Variants in GRID1 observed in about 807,000 individuals in gnomAD.
GRID1 encodes glutamate ionotropic receptor delta type subunit 1, also known as glutamate receptor ionotropic, delta-1.
Under a neutral mutation model 98.0 loss-of-function variants are expected in GRID1, and 28 were observed. The ratio of observed to expected loss-of-function variants is 0.29; its 90% confidence interval spans 0.21 to 0.39. The LOEUF is 0.39. Ranked by LOEUF, GRID1 falls within the 10% of genes least tolerant of loss-of-function variation. The pLI is 1.00. For synonymous variants in GRID1, 553 were observed against 538.5 expected, an observed-to-expected ratio of 1.03 and a Z score of -0.37; for missense variants, 1,111 against 1,340.5, an observed-to-expected ratio of 0.83 and a Z score of 2.67.
At chr10:86,090,943 G>A (rs537595134) in intron 4 of GRID1, among the ~76,000 whole-genome samples, 8 of 152,258 alleles carry the variant, frequency 5.3e-5, no homozygotes, top group South Asian at 4.2e-4. Flanking sequence ...TTAGAGGACC[G>A]AGTGAAATAC....
intron 4 of GRID1, among the ~76,000 whole-genome samples, chr10:86,096,069 CTAT>C (rs1185179791): frequency 6.6e-6 from 1 of 152,112 alleles, no homozygotes; most frequent in African/African-American, 2.4e-5. Context: ...AGACTGGAGA[CTAT>C]TATTCTAAGT....
intron 13 of GRID1, among the ~76,000 whole-genome samples, chr10:85,638,340 T>C (rs1843074568): frequency 6.6e-6 from 1 of 152,206 alleles, no homozygotes; most frequent in Non-Finnish European, 1.5e-5. Flanking sequence ...TTGAAGAAAT[T>C]GACAAAATGA....
intron 12 of GRID1, among the ~76,000 whole-genome samples, chr10:85,708,120 A>T (rs893929175): frequency 7.6e-6 from 1 of 130,858 alleles, no homozygotes; most frequent in Non-Finnish European, 1.6e-5. Context: ...TAATAAAAAA[A>T]AAAAAAAAAA....
chr10:86,010,585 G>A (rs757779772), intron 4 of GRID1, among the ~76,000 whole-genome samples: 2 of 152,092 alleles, frequency 1.3e-5, no homozygotes. Flanking sequence ...TTGGGAGGCC[G>A]AGGAGAATGG....
chr10:85,628,518 A>G (rs1842937046), intron 13 of GRID1, among the ~76,000 whole-genome samples: 1 of 152,144 alleles, frequency 6.6e-6, no homozygotes, highest in Admixed American at 6.5e-5. Flanking sequence ...GAAAAAGTGG[A>G]CCTTCAGCTG....
At position 85,703,073 on chromosome 10, in the gene GRID1, G is replaced by A. The variant is rs887316524; in HGVS notation, c.1997+19930C>T. ...GTAAAAGAGGAGAGGAAAATCAATA[G>A]GTGAAAGTTTCTCCATTGTATGACA... On this transcript the variant is annotated intron_variant, in intron 12 of 15. Coordinates refer to ENST00000327946, the MANE Select transcript of GRID1 (RefSeq NM_017551.3). 2.0e-5 allele frequency among the ~76,000 whole-genome samples: 3 copies of A among 152,118 alleles called. No individual in the cohort carries two copies. The South Asian group carries it at 6.2e-4, about 32-fold the overall frequency.
chr10:85,815,847 AT>A (rs1430570530), intron 8 of GRID1, among the ~76,000 whole-genome samples: 1 of 152,052 alleles, frequency 6.6e-6, no homozygotes. Context: ...TTAAGAATAC[AT>A]CTATAGAAAA....
chr10:85,959,711 T>G (rs1842241113), intron 4 of GRID1, among the ~76,000 whole-genome samples: 1 of 152,230 alleles, frequency 6.6e-6, no homozygotes, highest in South Asian at 2.1e-4. Flanking sequence ...ATCACCAGAT[T>G]GTTTTCTTTA....
chr10:85,826,752 A>G (rs941326056), intron 8 of GRID1, among the ~76,000 whole-genome samples: 10 of 152,130 alleles, frequency 6.6e-5, no homozygotes, highest in African/African-American at 2.2e-4. Context: ...CAGAATGGGA[A>G]CACCTCAGTT....
chr10:86,208,869 T>C (rs952068743), intron 2 of GRID1, among the ~76,000 whole-genome samples: 3 of 152,192 alleles, frequency 2.0e-5, no homozygotes, highest in Admixed American at 6.5e-5. Flanking sequence ...GTCCAAACCG[T>C]AGGAACAGCA....
At chr10:85,961,606 T>C (rs1232293595) in intron 4 of GRID1, among the ~76,000 whole-genome samples, 1 of 151,214 alleles carries the variant, frequency 6.6e-6, no homozygotes, top group African/African-American at 2.4e-5. Flanking sequence ...CCTCCTTCTT[T>C]CATTCCTTCC....
chr10:86,280,889 T>C (rs2125052), intron 2 of GRID1, among the ~76,000 whole-genome samples: 1,685 of 152,310 alleles, frequency 0.011, 67 homozygotes, highest in Admixed American at 0.085. Context: ...TCGATTACTC[T>C]TCCTTCTGCT....
intron 4 of GRID1, among the ~76,000 whole-genome samples, chr10:85,937,458 C>A (rs1280687340): frequency 6.6e-6 from 1 of 152,182 alleles, no homozygotes; most frequent in Non-Finnish European, 1.5e-5. Context: ...CTGTATCCAG[C>A]CGAGTAGCTG....
At chr10:85,606,140 A>C (rs534143573) in intron 15 of GRID1, 35 of 152,354 alleles carry the variant, frequency 2.3e-4, no homozygotes, top group Admixed American at 3.9e-4. Context: ...AGCTTGACTA[A>C]GTTTATTTTA....
At chr10:85,859,948 T>C (rs1370068804) in intron 6 of GRID1, among the ~76,000 whole-genome samples, 1 of 152,174 alleles carries the variant, frequency 6.6e-6, no homozygotes. Context: ...CTCCAGAGCC[T>C]GATAAACATA....
chr10:86,176,799 T>A (rs1362962644), intron 3 of GRID1, among the ~76,000 whole-genome samples: 1 of 151,994 alleles, frequency 6.6e-6, no homozygotes, highest in East Asian at 1.9e-4. Context: ...AGGTAAGAAA[T>A]GATGAGGGAC....
intron 5 of GRID1, among the ~76,000 whole-genome samples, chr10:85,915,408 C>T (rs1266641165): frequency 6.6e-6 from 1 of 151,906 alleles, no homozygotes; most frequent in East Asian, 1.9e-4. Context: ...CATGCACACC[C>T]CTGTACATAC....
At chr10:86,252,270 A>G (rs1429117671) in intron 2 of GRID1, among the ~76,000 whole-genome samples, 1 of 152,206 alleles carries the variant, frequency 6.6e-6, no homozygotes, top group Non-Finnish European at 1.5e-5. Flanking sequence ...CCCAGCCTGC[A>G]GTGTCTTCCT....
chr10:85,878,016 A>G (rs1589284591), intron 5 of GRID1, among the ~76,000 whole-genome samples: 1 of 152,238 alleles, frequency 6.6e-6, no homozygotes, highest in African/African-American at 2.4e-5. Flanking sequence ...AAGAAAGGGT[A>G]TCAGTGATGG....
Sources: gnomAD v4.1 joint callset for allele counts (sites outside exome capture counted in the v4.1 genomes callset) on GRCh38, gnomAD v4.1.1 for gene constraint, MANE v1.5 for transcripts, NCBI Gene and HGNC (gene_info 2026-07-23, HGNC 2026-07-21) for gene names.